Variants in NEBL observed in about 807,000 individuals in gnomAD.
The protein encoded by NEBL is nebulette, also known as LIM and SH3 protein 2.
Under a neutral mutation model 140.2 loss-of-function variants are expected in NEBL, and 122 were observed. The observed-to-expected ratio is 0.87, with a 90% CI of 0.75 to 1.01. The LOEUF is 1.01. NEBL is among the 50% of genes least tolerant of loss of function. The probability of loss-of-function intolerance (pLI) is 0.00; values close to 1 mark genes in which losing one functional copy is unlikely to be tolerated. For missense variants in NEBL, 1,365 were observed against 1,231.3 expected (o/e 1.11, Z -1.62); for synonymous variants, 436 against 398.9 (o/e 1.09, Z -1.11).
chr10:21,060,195 C>G (rs1227460564), intron 2 of NEBL, among the ~76,000 whole-genome samples: 1 of 152,208 alleles, frequency 6.6e-6, no homozygotes, highest in Admixed American at 6.5e-5. Context: ...GCTGATTAAG[C>G]CTCTCAGTGT....
At chr10:20,839,387 C>T (rs1374533477) in intron 13 of NEBL, among the ~76,000 whole-genome samples, 3 of 152,080 alleles carry the variant, frequency 2.0e-5, no homozygotes, top group Non-Finnish European at 4.4e-5. Flanking sequence ...TAGCCACAGA[C>T]CTCACCAGGG....
chr10:21,005,909 C>T (rs975816409), intron 3 of NEBL, among the ~76,000 whole-genome samples: 2 of 151,316 alleles, frequency 1.3e-5, no homozygotes, highest in African/African-American at 4.9e-5. Context: ...CCCCAAGAAC[C>T]AATGTTAGTA....
intron 3 of NEBL, among the ~76,000 whole-genome samples, chr10:21,205,610 A>G (rs1320343064): frequency 6.6e-6 from 1 of 152,190 alleles, no homozygotes; most frequent in African/African-American, 2.4e-5. Context: ...CAAAATTCTG[A>G]AAGAATATAT....
intron 7 of NEBL, among the ~76,000 whole-genome samples, chr10:20,862,389 C>T (rs1230033101): frequency 1.3e-5 from 2 of 152,072 alleles, no homozygotes; most frequent in Non-Finnish European, 2.9e-5. Context: ...TAAAAAAATG[C>T]ACGGACCAGA....
chr10:21,147,104 C>T (rs890203111), intron 2 of NEBL, among the ~76,000 whole-genome samples: 4 of 152,164 alleles, frequency 2.6e-5, no homozygotes, highest in African/African-American at 9.7e-5. Context: ...AATATTTCTT[C>T]AGCACCTATT....
intron 2 of NEBL, among the ~76,000 whole-genome samples, chr10:21,132,847 T>C (rs1839175967): frequency 1.3e-5 from 2 of 152,194 alleles, no homozygotes; most frequent in South Asian, 2.1e-4. Flanking sequence ...AATAACTGAG[T>C]TGTAACCATT....
rs990827448 is a variant in NEBL at position 20,785,196 on chromosome 10, G to A, written c.*551C>T. The A allele has an allele frequency of 1.2e-5, 2 of 161,152 alleles. No individual in the cohort carries two copies. The highest frequency in any genetic ancestry group is 2.7e-5 in the Non-Finnish European group (2 of 73,210). The allele number at this position is 161,152 out of a possible 1,614,324, so 10.0% of individuals were successfully genotyped here. ...AACAAGGAAATTTCTCTGTTTAGTAGAAGTTTCTAGATCCCTAAGGCCACC... is the reference window on the plus strand; with the variant it reads ...AACAAGGAAATTTCTCTGTTTAGTAAAAGTTTCTAGATCCCTAAGGCCACC... On this transcript the variant is annotated 3_prime_UTR_variant, in exon 28 of 28. Coordinates refer to ENST00000377122, the MANE Select transcript of NEBL (RefSeq NM_006393.3).
chr10:20,785,392 C>T lies in NEBL; in HGVS notation c.*355G>A. The T allele has an allele frequency of 3.3e-6, 1 of 303,222 alleles. No individual in the cohort carries two copies. Among genetic ancestry groups the T allele is most frequent in the Non-Finnish European group, 6.4e-6 (1 of 157,056 alleles). 18.8% of individuals were successfully genotyped at this position (303,222 alleles called of 1,614,324 possible). On this transcript the variant is annotated 3_prime_UTR_variant, in exon 28 of 28. Transcript: ENST00000377122. ...TTGGCTTGGGGTGATTCCAAAGTGA[C>T]AGCTAAGAAGTTTCAAACACACACT...
intron 3 of NEBL, among the ~76,000 whole-genome samples, chr10:21,199,397 G>A (rs1290042734): frequency 6.6e-6 from 1 of 152,094 alleles, no homozygotes. Flanking sequence ...TTAACAGAAA[G>A]TCCTATCACA....
At chr10:21,018,336 C>T (rs1387703765) in intron 3 of NEBL, among the ~76,000 whole-genome samples, 3 of 152,082 alleles carry the variant, frequency 2.0e-5, no homozygotes, top group South Asian at 2.1e-4. Context: ...TCCAGAATTA[C>T]CTGATGAACC....
At chr10:20,971,681 T>G (rs972239240) in intron 3 of NEBL, among the ~76,000 whole-genome samples, 1 of 147,210 alleles carries the variant, frequency 6.8e-6, no homozygotes, top group Non-Finnish European at 1.5e-5. Flanking sequence ...TGGCGCAATC[T>G]CGGCTCAATG....
intron 4 of NEBL, among the ~76,000 whole-genome samples, chr10:20,953,853 T>A (rs527313489): frequency 4.4e-4 from 67 of 152,084 alleles, no homozygotes; most frequent in African/African-American, 1.6e-3. Flanking sequence ...CCTCATTCGT[T>A]TATTCCACAT....
chr10:20,789,138 C>G (rs2038915), intron 26 of NEBL, among the ~76,000 whole-genome samples: 81,640 of 152,076 alleles, frequency 0.54, 23,058 homozygotes, highest in African/African-American at 0.71. Flanking sequence ...TGGCTACTCA[C>G]GGTATTTCCA....
chr10:20,835,304 A>T (rs1417745650), intron 14 of NEBL, among the ~76,000 whole-genome samples: 1 of 152,196 alleles, frequency 6.6e-6, no homozygotes, highest in Non-Finnish European at 1.5e-5. Flanking sequence ...AATGCCTTCC[A>T]CCAAGCTTTC....
chr10:21,157,075 A>C (rs1285417941), intron 2 of NEBL, among the ~76,000 whole-genome samples: 1 of 152,238 alleles, frequency 6.6e-6, no homozygotes, highest in Non-Finnish European at 1.5e-5. Context: ...AATGTCACAA[A>C]GTAAAGGTCC....
intron 3 of NEBL, among the ~76,000 whole-genome samples, chr10:21,231,895 A>G (rs116095340): frequency 0.04 from 6,119 of 152,230 alleles, 188 homozygotes; most frequent in South Asian, 0.14. Flanking sequence ...CTTAATTCCC[A>G]GGCATGGCAG....
intron 3 of NEBL, among the ~76,000 whole-genome samples, chr10:20,968,757 A>G (rs1417008268): frequency 6.6e-6 from 1 of 152,230 alleles, no homozygotes; most frequent in Non-Finnish European, 1.5e-5. Context: ...CATTTCTGAT[A>G]CAATGAAATC....
intron 2 of NEBL, among the ~76,000 whole-genome samples, chr10:21,098,855 A>AT (rs1837328780): frequency 6.6e-6 from 1 of 152,242 alleles, no homozygotes; most frequent in Admixed American, 6.5e-5. Context: ...CTAGCCAGGC[A>AT]TGGCGGCTCA....
chr10:21,282,427 C>T (rs1419578521), intron 1 of NEBL, among the ~76,000 whole-genome samples: 1 of 152,076 alleles, frequency 6.6e-6, no homozygotes, highest in African/African-American at 2.4e-5. Context: ...ACCATAGTGT[C>T]AGGGAATGAT....
Sources: gnomAD v4.1 joint callset for allele counts (sites outside exome capture counted in the v4.1 genomes callset) on GRCh38, gnomAD v4.1.1 for gene constraint, MANE v1.5 for transcripts, NCBI Gene and HGNC (gene_info 2026-07-23, HGNC 2026-07-21) for gene names.